ABHD3: variants seen among roughly 807,000 people sequenced by gnomAD.
ABHD3 encodes abhydrolase domain containing 3, phospholipase.
Under a neutral mutation model 48.8 loss-of-function variants are expected in ABHD3, and 46 were observed. That is an observed-to-expected ratio of 0.94 (90% CI 0.74 to 1.20). The LOEUF is 1.20. ABHD3 is among the 50% of genes most tolerant of loss of function. The probability of loss-of-function intolerance (pLI) is 0.00; values close to 1 mark genes in which losing one functional copy is unlikely to be tolerated. For missense variants in ABHD3, 490 were observed against 497.8 expected (o/e 0.98, Z 0.15); for synonymous variants, 192 against 183.7 (o/e 1.04, Z -0.36).
chr18:21,651,863 T>A, intron 8 of ABHD3, 100 bp from the exon 9 acceptor site: 4 of 1,085,816 alleles, frequency 3.7e-6, no homozygotes, highest in Non-Finnish European at 5.1e-6. Flanking sequence ...TTATCATGTC[T>A]AATAAACAGA....
At chr18:21,653,525 A>G (rs1424392281) in intron 8 of ABHD3, among the ~76,000 whole-genome samples, 1 of 151,700 alleles carries the variant, frequency 6.6e-6, no homozygotes, top group African/African-American at 2.4e-5. Flanking sequence ...ATGTTTTGAT[A>G]TAAGGTCTCT....
intron 6 of ABHD3, among the ~76,000 whole-genome samples, 157 bp from the exon 7 acceptor site, chr18:21,657,309 A>T (rs956623776): frequency 6.6e-6 from 1 of 152,038 alleles, no homozygotes; most frequent in Non-Finnish European, 1.5e-5. Flanking sequence ...TTAGAATAAT[A>T]ATGTTTGTGC....
At chr18:21,677,484 G>C (rs1343804771) in intron 4 of ABHD3, among the ~76,000 whole-genome samples, 2 of 151,966 alleles carry the variant, frequency 1.3e-5, no homozygotes, top group African/African-American at 2.4e-5. Context: ...GGAATTACAG[G>C]CGTGAGCCAC....
chr18:21,675,262 G>GTTTTTTT (rs61119109), intron 4 of ABHD3, among the ~76,000 whole-genome samples: 4 of 85,474 alleles, frequency 4.7e-5, no homozygotes, highest in African/African-American at 9.7e-5. Context: ...AATGAGGTGG[G>GTTTTTTT]TTTTTTTTTT....
At chr18:21,690,133 AAG>A (rs2040215085) in intron 3 of ABHD3, among the ~76,000 whole-genome samples, 1 of 152,088 alleles carries the variant, frequency 6.6e-6, no homozygotes, top group Non-Finnish European at 1.5e-5. Context: ...AAAAAAAAAA[AAG>A]AAAATCTCAG....
chr18:21,704,372 G>C, intron 1 of ABHD3, 132 bp downstream of exon 1: 1 of 1,001,134 alleles, frequency 1.0e-6, no homozygotes, highest in Non-Finnish European at 1.3e-6. Flanking sequence ...CGCGCTGGGG[G>C]CTGCCGCTCG....
intron 6 of ABHD3, among the ~76,000 whole-genome samples, chr18:21,657,890 A>G (rs1419050793): frequency 5.3e-5 from 8 of 152,130 alleles, no homozygotes; most frequent in African/African-American, 1.9e-4. Context: ...AAAATTAAAG[A>G]AAGAAATAAG....
Position 21,664,123 on chromosome 18 carries a change from C to T in ABHD3, c.663G>A (p.Met221Ile). The change falls in exon 5 of 9, where the codon ATG becomes ATA. Residue 221 changes from methionine (M) to isoleucine (I), a missense_variant. Coordinates refer to ENST00000289119, the MANE Select transcript of ABHD3 (RefSeq NM_138340.5). ...TTAGAAAGGGAAAACCTTACCCTCC[C>T]ATTGAAACCCCTGCTGCCAGGAAAG... ...SAPFLAAGVSMGGMLLLNYLG... is the reference protein window; with the variant it reads ...SAPFLAAGVSIGGMLLLNYLG... 6.2e-7 allele frequency: 1 copy of T among 1,608,012 alleles called. No homozygotes were observed. Among genetic ancestry groups the T allele is most frequent in the Non-Finnish European group, 8.5e-7 (1 of 1,178,810 alleles).
chr18:21,697,778 G>A (rs978366374), intron 3 of ABHD3, among the ~76,000 whole-genome samples: 1 of 152,158 alleles, frequency 6.6e-6, no homozygotes, highest in Admixed American at 6.6e-5. Context: ...CCTGAATTTT[G>A]AATTAGTGCA....
intron 3 of ABHD3, among the ~76,000 whole-genome samples, chr18:21,689,575 G>T: frequency 1.3e-5 from 1 of 75,468 alleles, no homozygotes; most frequent in African/African-American, 9.5e-5. Flanking sequence ...AAAAAAAAAA[G>T]GGAAATGCTC....
intron 4 of ABHD3, among the ~76,000 whole-genome samples, chr18:21,677,841 G>A (rs573205188): frequency 1.3e-5 from 2 of 151,668 alleles, no homozygotes; most frequent in Non-Finnish European, 2.9e-5. Context: ...GCACCACCAC[G>A]CCTGGCTAAT....
In ABHD3 at chr18:21,677,942, T is replaced by C. The variant is rs191252287; in HGVS notation, c.555+5978A>G. 1.2e-3 allele frequency among the ~76,000 whole-genome samples: 188 copies of C among 151,998 alleles called. 2 individuals carry two copies. Among genetic ancestry groups the C allele is most frequent in the Non-Finnish European group, 4.6e-4 (31 of 67,966 alleles). ...CCTCCCAAAGTGCTGGGATTACAGG[T>C]ATGAGCCACCGTGCCCAACCTATTT... is the stretch of plus-strand genomic sequence containing the variant. On this transcript the variant is annotated intron_variant, in intron 4 of 8. Coordinates refer to ENST00000289119, the MANE Select transcript of ABHD3 (RefSeq NM_138340.5).
chr18:21,704,528 G>A lies in ABHD3; in HGVS notation c.138C>T (p.Phe46=). The part of the protein sequence containing the change: ...LILGFSVAYA[F]YYLSSIAKKP... ...CCTTGGCAATGCTGCTCAGGTAGTA[G>A]AAGGCATAAGCGACGCTGAAGCCCA... Residue 46 remains phenylalanine, a synonymous_variant, in exon 1 of 9, where the codon TTC becomes TTT. Coordinates refer to ENST00000289119, the MANE Select transcript of ABHD3 (RefSeq NM_138340.5). 1.3e-6 allele frequency: 2 copies of A among 1,501,140 alleles called. No homozygotes were observed. Among genetic ancestry groups the A allele is most frequent in the South Asian group, 2.5e-5 (2 of 78,492 alleles). 93.0% of individuals were successfully genotyped at this position (1,501,140 alleles called of 1,614,324 possible).
chr18:21,684,794 G>A (rs1266487889), intron 3 of ABHD3, among the ~76,000 whole-genome samples: 2 of 152,180 alleles, frequency 1.3e-5, no homozygotes. Flanking sequence ...GCCACAAAGA[G>A]CCTGGCACCT....
intron 8 of ABHD3, chr18:21,654,767 A>G (rs2039305766): frequency 6.6e-6 from 1 of 152,240 alleles, no homozygotes; most frequent in Admixed American, 6.5e-5. Flanking sequence ...AGGCATGTGA[A>G]AGATGCTGGC....
In ABHD3 at chr18:21,657,245, A is replaced by T. The variant is rs1202920416; in HGVS notation, c.843-93T>A. On this transcript the variant is annotated intron_variant, in intron 6 of 8. Transcript: ENST00000289119. ...AAAACAAATTACTAAACAGCCTACCACAGGGCACAAAGTTGGCACTCAATA... is the reference window on the plus strand; with the variant it reads ...AAAACAAATTACTAAACAGCCTACCTCAGGGCACAAAGTTGGCACTCAATA... The T allele has an allele frequency of 2.6e-6, 3 of 1,144,262 alleles. No homozygotes were observed. The East Asian group carries it at 7.5e-5, about 29-fold the overall frequency. The allele number at this position is 1,144,262 out of a possible 1,614,324, so 70.9% of individuals were successfully genotyped here. A position where few individuals can be genotyped will look rare whatever the true frequency, so the allele number is the denominator to read the frequency against.
chr18:21,672,865 A>AG (rs368928278), intron 4 of ABHD3, among the ~76,000 whole-genome samples: 2 of 43,710 alleles, frequency 4.6e-5, no homozygotes, highest in East Asian at 1.3e-3. Flanking sequence ...TTAAATGACC[A>AG]TTGTCTAAAT....
intron 5 of ABHD3, among the ~76,000 whole-genome samples, chr18:21,659,835 A>G (rs963233654): frequency 2.0e-5 from 3 of 151,702 alleles, no homozygotes; most frequent in African/African-American, 7.3e-5. Flanking sequence ...CGCCCCGGTA[A>G]TTTTTTGTAT....
At chr18:21,670,976 T>G (rs2039744727) in intron 4 of ABHD3, among the ~76,000 whole-genome samples, 1 of 152,174 alleles carries the variant, frequency 6.6e-6, no homozygotes, top group Admixed American at 6.5e-5. Context: ...ATCGTGCCAC[T>G]GTACTCCAGC....
Sources: allele counts gnomAD v4.1 joint callset (sites outside exome capture counted in the v4.1 genomes callset), GRCh38; gene constraint gnomAD v4.1.1; transcripts MANE v1.5; gene names NCBI Gene and HGNC (gene_info 2026-07-23, HGNC 2026-07-21).